Variants in PIAS1 observed in about 807,000 individuals in gnomAD.
PIAS1 encodes protein inhibitor of activated STAT 1, also known as E3 SUMO-protein ligase PIAS1.
In PIAS1, 6 loss-of-function variants were observed where a neutral mutation model predicts 71.3. The ratio of observed to expected loss-of-function variants is 0.08; its 90% CI spans 0.05 to 0.17. PIAS1 has a LOEUF of 0.17. Among genes scored for constraint, PIAS1 ranks in the 10% least tolerant of loss-of-function variants. The probability of loss-of-function intolerance (pLI) is 1.00; values close to 1 mark genes in which losing one functional copy is unlikely to be tolerated. For synonymous variants in PIAS1, 303 were observed against 292.9 expected (o/e 1.03, Z -0.35); for missense variants, 555 against 793.6 (o/e 0.70, Z 3.61).
chr15:68,168,925 A>G (rs2092973578), intron 8 of PIAS1, among the ~76,000 whole-genome samples: 1 of 152,158 alleles, frequency 6.6e-6, no homozygotes, highest in Admixed American at 6.5e-5. Context: ...ACAGCTGGAG[A>G]TCATGGGGTA....
At chr15:68,170,649 CTT>C (rs971440332) in intron 8 of PIAS1, among the ~76,000 whole-genome samples, 1 of 151,376 alleles carries the variant, frequency 6.6e-6, no homozygotes, top group African/African-American at 2.4e-5. Flanking sequence ...CTTACTGTAA[CTT>C]TTTTTTTGAG....
chr15:68,066,582 T>G (rs1426548769), intron 1 of PIAS1, among the ~76,000 whole-genome samples: 1 of 152,208 alleles, frequency 6.6e-6, no homozygotes, highest in Admixed American at 6.5e-5. Flanking sequence ...TGGGATAAAC[T>G]TGAAACAGGA....
intron 1 of PIAS1, chr15:68,055,742 A>C (rs1418670696): frequency 2.0e-6 from 1 of 512,438 alleles, no homozygotes; most frequent in African/African-American, 1.9e-5. Flanking sequence ...TCTTCTTTTT[A>C]TAATAAATAA....
intron 1 of PIAS1, among the ~76,000 whole-genome samples, chr15:68,072,151 C>T (rs372126578): frequency 3.3e-5 from 5 of 151,394 alleles, no homozygotes; most frequent in African/African-American, 7.3e-5. Flanking sequence ...GTAATCCCAG[C>T]GCTTTGGGAG....
chr15:68,134,930 G>A (rs1474380511), intron 2 of PIAS1, among the ~76,000 whole-genome samples: 1 of 45,398 alleles, frequency 2.2e-5, no homozygotes, highest in African/African-American at 4.7e-5. Context: ...GGGCAGAGGC[G>A]CCCCCCACCC....
intron 1 of PIAS1, among the ~76,000 whole-genome samples, chr15:68,080,007 T>G (rs2092212419): frequency 6.6e-6 from 1 of 151,940 alleles, no homozygotes; most frequent in Non-Finnish European, 1.5e-5. Flanking sequence ...TAATTTTGTA[T>G]TTTTGGTAGA....
intron 1 of PIAS1, among the ~76,000 whole-genome samples, chr15:68,065,736 C>CT (rs35947814): frequency 0.19 from 18,967 of 99,530 alleles, 3,053 homozygotes; most frequent in African/African-American, 0.24. Flanking sequence ...GCTTGAAGTA[C>CT]TTTTTTTTTT....
intron 2 of PIAS1, among the ~76,000 whole-genome samples, chr15:68,128,428 G>T (rs905925016): frequency 3.3e-5 from 5 of 152,174 alleles, no homozygotes; most frequent in Non-Finnish European, 5.9e-5. Context: ...GATTACAGGT[G>T]TGAGCCACTG....
chr15:68,151,092 A>C (rs1046926070), intron 6 of PIAS1, among the ~76,000 whole-genome samples: 4 of 151,950 alleles, frequency 2.6e-5, no homozygotes, highest in African/African-American at 9.6e-5. Flanking sequence ...ATATATCAGT[A>C]GTTGGAATTA....
chr15:68,067,430 G>T (rs1227067591), intron 1 of PIAS1, among the ~76,000 whole-genome samples: 1 of 2,624 alleles, frequency 3.8e-4, no homozygotes, highest in East Asian at 0.062. Context: ...TTTCTAGTTG[G>T]TTATTTTTTT....
chr15:68,082,922 G>A (rs1234489375), intron 1 of PIAS1, among the ~76,000 whole-genome samples: 1 of 152,032 alleles, frequency 6.6e-6, no homozygotes, highest in Non-Finnish European at 1.5e-5. Context: ...TTGTGTTCAC[G>A]TCTGTCAGAT....
chr15:68,064,640 G>A (rs1460582242), intron 1 of PIAS1, among the ~76,000 whole-genome samples: 2 of 152,244 alleles, frequency 1.3e-5, no homozygotes, highest in Admixed American at 6.5e-5. Context: ...AAAGAATATC[G>A]AAAGTTATCT....
chr15:68,111,962 A>AT (rs1156872591), intron 2 of PIAS1, among the ~76,000 whole-genome samples: 9 of 152,080 alleles, frequency 5.9e-5, no homozygotes, highest in Admixed American at 5.2e-4. Context: ...TTTGTATCTT[A>AT]TTCTCTTACT....
chr15:68,110,332 C>T (rs535600991), intron 2 of PIAS1, among the ~76,000 whole-genome samples: 76 of 152,238 alleles, frequency 5.0e-4, no homozygotes, highest in African/African-American at 1.8e-3. Context: ...CAGTGGTTCA[C>T]GCCTGTAATC....
At chr15:68,118,655 G>T (rs550198819) in intron 2 of PIAS1, among the ~76,000 whole-genome samples, 4 of 152,134 alleles carry the variant, frequency 2.6e-5, no homozygotes. Context: ...TTGATTTTTT[G>T]ACAGTAGCCA....
chr15:68,106,492 A>G (rs1207418036), intron 2 of PIAS1, among the ~76,000 whole-genome samples: 1 of 152,238 alleles, frequency 6.6e-6, no homozygotes, highest in Admixed American at 6.5e-5. Flanking sequence ...TAGAAGCAGG[A>G]AGAAAATATT....
chr15:68,055,830 G>T, intron 1 of PIAS1: 1 of 679,690 alleles, frequency 1.5e-6, no homozygotes, highest in East Asian at 2.7e-5. Flanking sequence ...ATTCTGTAGA[G>T]TTTTTCCTGT....
At chr15:68,130,014 AT>A (rs2092679136) in intron 2 of PIAS1, among the ~76,000 whole-genome samples, 1 of 152,032 alleles carries the variant, frequency 6.6e-6, no homozygotes, top group Non-Finnish European at 1.5e-5. Flanking sequence ...CATATTTTCT[AT>A]AATTGGAAAT....
chr15:68,162,629 A>C (rs1424176142), intron 7 of PIAS1, among the ~76,000 whole-genome samples: 6 of 152,228 alleles, frequency 3.9e-5, no homozygotes, highest in Non-Finnish European at 1.5e-5. Flanking sequence ...ATTGAAGTCC[A>C]GGGGCCACAG....
Sources: gnomAD v4.1 joint callset for allele counts (sites outside exome capture counted in the v4.1 genomes callset) on GRCh38, gnomAD v4.1.1 for gene constraint, MANE v1.5 for transcripts, NCBI Gene and HGNC (gene_info 2026-07-23, HGNC 2026-07-21) for gene names.